ZNF254: variants seen among roughly 807,000 people sequenced by gnomAD.
ZNF254 encodes zinc finger protein 254, also known as CTD-2017D11.1.
A neutral mutation model predicts 12.4 loss-of-function variants in ZNF254; 10 were observed. The ratio of observed to expected loss-of-function variants is 0.80; its 90% CI spans 0.50 to 1.36. The LOEUF (loss-of-function observed/expected upper bound fraction) is 1.36, where lower values mean the gene tolerates loss of function less well. ZNF254 is among the 40% of genes most tolerant of loss of function. ZNF254 has a pLI of 0.00. For synonymous variants in ZNF254, 305 were observed against 253.4 expected (o/e 1.20, Z -1.93); for missense variants, 996 against 763.9 (o/e 1.30, Z -3.58).
intron 1 of ZNF254, among the ~76,000 whole-genome samples, chr19:24,102,767 T>C (rs1168995206): frequency 1.3e-5 from 2 of 152,208 alleles, no homozygotes; most frequent in African/African-American, 4.8e-5. Flanking sequence ...CCTGCAGATA[T>C]AGTAGTTGAT....
Position 24,129,965 on chromosome 19 carries a change from T to A in ZNF254, c.*1985T>A, listed in dbSNP as rs1378148183. 1 of 152,116 alleles carries A rather than the reference T, an allele frequency of 6.6e-6. No homozygotes were observed. Among genetic ancestry groups the A allele is most frequent in the Non-Finnish European group, 1.5e-5 (1 of 68,006 alleles). 9.4% of individuals were successfully genotyped at this position (152,116 alleles called of 1,614,324 possible). On this transcript the variant is annotated 3_prime_UTR_variant, in exon 4 of 4. Coordinates refer to ENST00000357002, the MANE Select transcript of ZNF254 (RefSeq NM_203282.4). ...ATTAAAGATAAACCTTAGGTGTAAA[T>A]AAATTATGGAGTAAGTATGTTTGTG...
intron 1 of ZNF254, among the ~76,000 whole-genome samples, chr19:24,092,638 C>T (rs1260105667): frequency 6.6e-6 from 1 of 152,138 alleles, no homozygotes; most frequent in Non-Finnish European, 1.5e-5. Flanking sequence ...GCCTTGGCCT[C>T]TCAGAGTGCT....
chr19:24,078,388 T>C (rs1465303363), intron 2 of ZNF254: 1 of 152,128 alleles, frequency 6.6e-6, no homozygotes, highest in Non-Finnish European at 1.5e-5. Context: ...ATTTGGAAAA[T>C]AAAAGAATAT....
chr19:24,086,132 A>C (rs1426489939), upstream of ZNF254, among the ~76,000 whole-genome samples: 1 of 150,588 alleles, frequency 6.6e-6, no homozygotes, highest in African/African-American at 2.4e-5. Context: ...GCTTGAACCC[A>C]GGAGGCAGAG....
At chr19:24,117,051 G>T (rs1444904670) in intron 3 of ZNF254, among the ~76,000 whole-genome samples, 4 of 152,124 alleles carry the variant, frequency 2.6e-5, no homozygotes, top group African/African-American at 9.7e-5. Flanking sequence ...TCATTCTTCT[G>T]GAAGTTTTGT....
upstream of ZNF254, chr19:24,087,050 G>A: frequency 4.4e-6 from 2 of 457,772 alleles, no homozygotes; most frequent in Admixed American, 3.4e-5. Context: ...TCAGCCTAGG[G>A]TGTGATCACA....
intron 1 of ZNF254, 92 bp from the exon 2 acceptor site, chr19:24,105,848 C>G (rs1568459681): frequency 2.0e-6 from 3 of 1,514,588 alleles, no homozygotes; most frequent in East Asian, 5.0e-5. Flanking sequence ...AAGTCAGAAC[C>G]AGTTCTATTT....
intron 1 of ZNF254, among the ~76,000 whole-genome samples, chr19:24,045,368 T>C (rs1970338320): frequency 6.6e-6 from 1 of 151,976 alleles, no homozygotes; most frequent in Non-Finnish European, 1.5e-5. Context: ...CCTTGTAGAC[T>C]GAGGTATAAA....
rs749498841 is a variant in ZNF254 at position 24,126,620 on chromosome 19, A to T, written c.620A>T (p.Glu207Val). The change falls in exon 4 of 4, where the codon GAG (glutamate) becomes GTG (valine). Residue 207 changes from glutamate (E) to valine (V), a missense_variant. Physicochemically the swap from Glu to Val is moderately radical, Grantham distance 121 (BLOSUM62 -2). Transcript: ENST00000357002. Reference protein sequence around the residue: ...KTQHKSIYHREKSYKCKECGK... With the variant: ...KTQHKSIYHRVKSYKCKECGK... Reference sequence around the variant, plus strand: ...CAACACAAAAGCATTTATCATAGAGAGAAGTCCTACAAATGTAAAGAATGT... The same window carrying T: ...CAACACAAAAGCATTTATCATAGAGTGAAGTCCTACAAATGTAAAGAATGT... The T allele has an allele frequency of 6.5e-5, 104 of 1,608,718 alleles. No individual in the cohort carries two copies. The highest frequency in any genetic ancestry group is 8.6e-5 in the Non-Finnish European group (101 of 1,178,624).
chr19:24,062,653 CTCT>C (rs746937917), intron 2 of ZNF254, among the ~76,000 whole-genome samples: 31 of 152,174 alleles, frequency 2.0e-4, no homozygotes, highest in Non-Finnish European at 3.4e-4. Context: ...CTTAAACACA[CTCT>C]TCTTTTGAGG....
chr19:24,120,695 C>T (rs1162026269), intron 3 of ZNF254, among the ~76,000 whole-genome samples: 1 of 151,802 alleles, frequency 6.6e-6, no homozygotes, highest in Non-Finnish European at 1.5e-5. Context: ...TGGAGTCTTG[C>T]TCTGTCACCC....
rs1175976173 is a variant in ZNF254 at position 24,126,921 on chromosome 19, A to G, written c.921A>G (p.Ser307=). The G allele has an allele frequency of 6.2e-7, 1 of 1,613,496 alleles. No individual in the cohort carries two copies. The highest frequency in any genetic ancestry group is 2.2e-5 in the East Asian group (1 of 44,838). Residue 307 remains serine, a synonymous_variant, in exon 4 of 4, where the codon TCA becomes TCG. Coordinates refer to ENST00000357002, the MANE Select transcript of ZNF254 (RefSeq NM_203282.4). ...EECGKAFIWS[S]TLTEHKKIHT... ...GTGGCAAAGCATTTATCTGGTCCTC[A>G]ACCCTTACTGAGCATAAGAAAATTC...
At chr19:24,048,232 C>G (rs1381820983) in intron 2 of ZNF254, among the ~76,000 whole-genome samples, 2 of 151,902 alleles carry the variant, frequency 1.3e-5, no homozygotes, top group African/African-American at 4.8e-5. Context: ...ATCAGAGATT[C>G]AAAGCTTAGG....
intron 3 of ZNF254, among the ~76,000 whole-genome samples, chr19:24,116,620 ACTT>A (rs1405011808): frequency 6.6e-6 from 1 of 151,856 alleles, no homozygotes; most frequent in Non-Finnish European, 1.5e-5. Context: ...AAAGTTTTTA[ACTT>A]CTTTGCCTTT....
intron 2 of ZNF254, among the ~76,000 whole-genome samples, chr19:24,057,166 G>A (rs1970889533): frequency 3.9e-5 from 6 of 152,164 alleles, no homozygotes. Flanking sequence ...AACGGCTCTA[G>A]AAAACAGATG....
At position 24,129,774 on chromosome 19, in the gene ZNF254, G is replaced by A. The variant is rs984862578; in HGVS notation, c.*1794G>A. ...TATTGATTACAGGGTCATTTTTATGGTCATAATAAAAAATTTTATACAAAC... is the reference window on the plus strand; with the variant it reads ...TATTGATTACAGGGTCATTTTTATGATCATAATAAAAAATTTTATACAAAC... On this transcript the variant is annotated 3_prime_UTR_variant, in exon 4 of 4. Transcript: ENST00000357002. 3 of 151,482 alleles carry A rather than the reference G, an allele frequency of 2.0e-5. No individual in the cohort carries two copies. Among genetic ancestry groups the A allele is most frequent in the African/African-American group, 7.3e-5 (3 of 41,272 alleles). The allele number at this position is 151,482 out of a possible 1,614,324, so 9.4% of individuals were successfully genotyped here. A position where few individuals can be genotyped will look rare whatever the true frequency, so the allele number is the denominator to read the frequency against.
At chr19:24,100,115 A>G (rs1972919933) in intron 1 of ZNF254, among the ~76,000 whole-genome samples, 1 of 152,146 alleles carries the variant, frequency 6.6e-6, no homozygotes, top group African/African-American at 2.4e-5. Flanking sequence ...GCTAGACCAG[A>G]TTTCTACAAA....
In ZNF254 at chr19:24,129,746, T is replaced by C. The variant is rs1403756572; in HGVS notation, c.*1766T>C. ...CTTTTAGTTATTTTTAAATTTACAA[T>C]GTTATTGATTACAGGGTCATTTTTA... On this transcript the variant is annotated 3_prime_UTR_variant, in exon 4 of 4. Coordinates refer to ENST00000357002, the MANE Select transcript of ZNF254 (RefSeq NM_203282.4). 2.0e-5 allele frequency: 3 copies of C among 152,006 alleles called. No individual in the cohort carries two copies. The highest frequency in any genetic ancestry group is 1.9e-4 in the East Asian group (1 of 5,200). The allele number at this position is 152,006 out of a possible 1,614,324, so 9.4% of individuals were successfully genotyped here.
chr19:24,125,389 A>AC (rs1974764878), intron 3 of ZNF254, among the ~76,000 whole-genome samples: 2 of 151,794 alleles, frequency 1.3e-5, no homozygotes, highest in South Asian at 4.2e-4. Flanking sequence ...GTTTATTACC[A>AC]ATTATTAAAA....
Sources: gnomAD v4.1 joint callset for allele counts (sites outside exome capture counted in the v4.1 genomes callset) on GRCh38, gnomAD v4.1.1 for gene constraint, MANE v1.5 for transcripts, NCBI Gene and HGNC (gene_info 2026-07-23, HGNC 2026-07-21) for gene names.